The following DGKI variants were observed in gnomAD, a reference collection of about 807,000 sequenced individuals.
DGKI encodes the protein diacylglycerol kinase iota.
A neutral mutation model predicts 147.5 loss-of-function variants in DGKI; 55 were observed. The observed-to-expected ratio is 0.37, with a 90% confidence interval of 0.30 to 0.47. DGKI has a LOEUF of 0.47. Among genes scored for constraint, DGKI ranks in the 20% least tolerant of loss-of-function variants. The pLI is 1.00. For missense variants in DGKI, 1,007 were observed against 1,323.8 expected (o/e 0.76, Z 3.71); for synonymous variants, 469 against 477.1 (o/e 0.98, Z 0.22).
At chr7:137,487,570 G>C (rs530936792) in intron 22 of DGKI, 40 bp downstream of exon 22, 4 of 1,540,194 alleles carry the variant, frequency 2.6e-6, no homozygotes, top group Non-Finnish European at 3.6e-6. Context: ...TACAAAAATG[G>C]AAAGTTGAGG....
At chr7:137,765,695 G>A (rs559638274) in intron 1 of DGKI, among the ~76,000 whole-genome samples, 1 of 152,182 alleles carries the variant, frequency 6.6e-6, no homozygotes, top group Non-Finnish European at 1.5e-5. Flanking sequence ...TCATAGAGAT[G>A]ATGCAGCTGA....
At chr7:137,412,596 T>C (rs1014937775) in intron 28 of DGKI, among the ~76,000 whole-genome samples, 2 of 152,218 alleles carry the variant, frequency 1.3e-5, no homozygotes, top group Non-Finnish European at 2.9e-5. Context: ...CATGAAGTCC[T>C]ATGAATGTTC....
chr7:137,601,537 C>T (rs1338605298), intron 10 of DGKI, among the ~76,000 whole-genome samples: 1 of 152,198 alleles, frequency 6.6e-6, no homozygotes, highest in Non-Finnish European at 1.5e-5. Context: ...TGAGGTCAAA[C>T]TAACTTCAGT....
At chr7:137,570,031 C>T (rs1314748998) in intron 19 of DGKI, among the ~76,000 whole-genome samples, 1 of 152,018 alleles carries the variant, frequency 6.6e-6, no homozygotes, top group Admixed American at 6.5e-5. Context: ...TTAAACTTCA[C>T]TAATTTGAGG....
chr7:137,638,540 GTATATATATGTGTGTA>G (rs1821459781), intron 6 of DGKI, among the ~76,000 whole-genome samples: 1 of 94,896 alleles, frequency 1.1e-5, no homozygotes, highest in Non-Finnish European at 1.9e-5. Context: ...ACACATATAT[GTATATATATGTGTGTA>G]TATATATACA....
chr7:137,740,236 A>G (rs1733063577), intron 1 of DGKI, among the ~76,000 whole-genome samples: 2 of 152,212 alleles, frequency 1.3e-5, no homozygotes, highest in African/African-American at 4.8e-5. Flanking sequence ...ATCTTGGTTT[A>G]TCAATTCTGG....
At chr7:137,439,076 C>A (rs888407153) in intron 28 of DGKI, among the ~76,000 whole-genome samples, 4 of 152,118 alleles carry the variant, frequency 2.6e-5, no homozygotes, top group South Asian at 2.1e-4. Flanking sequence ...ATGAAGCTCC[C>A]AAATTCCTAC....
chr7:137,846,664 C>A lies in DGKI; in HGVS notation c.199G>T (p.Gly67Cys). 9.3e-7 allele frequency: 1 copy of A among 1,073,006 alleles called. No homozygotes were observed. Among genetic ancestry groups the A allele is most frequent in the Non-Finnish European group, 1.1e-6 (1 of 884,686 alleles). The allele number at this position is 1,073,006 out of a possible 1,614,324, so 66.5% of individuals were successfully genotyped here. A position where few individuals can be genotyped will look rare whatever the true frequency, so the allele number is the denominator to read the frequency against. The change falls in exon 1 of 33, where the codon GGC (glycine) becomes TGC (cysteine). Residue 67 changes from glycine to cysteine, a missense_variant. Physicochemically the swap from Gly to Cys is radical, Grantham distance 159 (BLOSUM62 -3). Around this residue, in one of 5 missense-constraint regions of DGKI, gnomAD observed 137 missense variants for 114.4 expected, o/e 1.20. Transcript: ENST00000614521. This position sits in a 1 kb window ranked among gnomAD's most constrained non-coding sequence, Gnocchi z 4.0. ...CCGCTTCCGCTGCTGCTGCTGCCGC[C>A]CGTCGCCCCTTTCTCCTCTCCCGCC... ...SSAGEEKGAT[G>C]GSSSSGSGAG...
intron 3 of DGKI, among the ~76,000 whole-genome samples, chr7:137,659,268 T>A (rs6948268): frequency 0.15 from 22,353 of 152,120 alleles, 4,881 homozygotes; most frequent in African/African-American, 0.48. Context: ...TGAATAAAGG[T>A]CCCAGGTCTT....
chr7:137,677,871 A>C, intron 3 of DGKI, among the ~76,000 whole-genome samples: 1 of 152,184 alleles, frequency 6.6e-6, no homozygotes, highest in Non-Finnish European at 1.5e-5. Context: ...CACAAACTTT[A>C]AGTTCAATTT....
At chr7:137,608,527 T>C (rs1820258812) in intron 10 of DGKI, among the ~76,000 whole-genome samples, 1 of 152,208 alleles carries the variant, frequency 6.6e-6, no homozygotes, top group East Asian at 1.9e-4. Context: ...GGGATTATCA[T>C]GGCTCATGAA....
At chr7:137,469,406 T>A in intron 24 of DGKI, 144 bp downstream of exon 24, 1 of 735,978 alleles carries the variant, frequency 1.4e-6, no homozygotes, top group South Asian at 1.8e-5. Flanking sequence ...CCCACATTGT[T>A]CCGCATGCCA....
intron 27 of DGKI, among the ~76,000 whole-genome samples, chr7:137,457,931 A>T (rs939030640): frequency 3.3e-5 from 5 of 152,300 alleles, no homozygotes; most frequent in Non-Finnish European, 5.9e-5. Context: ...ATCTAAAAAA[A>T]AAAGCAGCAA....
At chr7:137,728,359 G>A (rs1476590112) in intron 1 of DGKI, among the ~76,000 whole-genome samples, 1 of 152,118 alleles carries the variant, frequency 6.6e-6, no homozygotes, top group Non-Finnish European at 1.5e-5. Flanking sequence ...TTTTCTACCA[G>A]AGCTGAGACT....
At chr7:137,728,876 A>T (rs1794789945) in intron 1 of DGKI, among the ~76,000 whole-genome samples, 1 of 152,130 alleles carries the variant, frequency 6.6e-6, no homozygotes, top group Non-Finnish European at 1.5e-5. Flanking sequence ...ACTATGATTG[A>T]TTTTGAGCTC....
rs1228482196 is a variant in DGKI at position 137,678,613 on chromosome 7, TG to T, written c.549del (p.Asn184ThrfsTer42). The T allele has an allele frequency of 6.2e-7, 1 of 1,614,146 alleles. No individual in the cohort carries two copies. The highest frequency in any genetic ancestry group is 8.5e-7 in the Non-Finnish European group (1 of 1,180,014). ...AVNGEHLWLE[T>X]NVSGDLCYLG... ...AGGTAGCAGAGGTCTCCCGAGACGT[TG>T]GTCTCCAGCCACAGGTGTTCTCCAT... is the stretch of plus-strand genomic sequence containing the variant. On this transcript the variant is annotated frameshift_variant, in exon 3 of 33. Coordinates refer to ENST00000614521, the MANE Select transcript of DGKI (RefSeq NM_001321708.2). LOFTEE classifies it high-confidence loss of function.
At chr7:137,437,006 A>G (rs1813310819) in intron 28 of DGKI, among the ~76,000 whole-genome samples, 1 of 152,280 alleles carries the variant, frequency 6.6e-6, no homozygotes. Context: ...TCCACAAAAC[A>G]AGTACTGTCA....
intron 6 of DGKI, among the ~76,000 whole-genome samples, chr7:137,638,531 C>CATATAT (rs1456992268): frequency 8.7e-6 from 1 of 114,416 alleles, no homozygotes; most frequent in Non-Finnish European, 1.7e-5. Flanking sequence ...TATATACACA[C>CATATAT]ACATATATGT....
intron 12 of DGKI, among the ~76,000 whole-genome samples, chr7:137,588,758 G>A (rs1334962785): frequency 6.6e-6 from 1 of 152,132 alleles, no homozygotes; most frequent in African/African-American, 2.4e-5. Context: ...TTACAGGCGT[G>A]AGCCACCGTG....
Sources: allele counts gnomAD v4.1 joint callset (sites outside exome capture counted in the v4.1 genomes callset), GRCh38; gene constraint gnomAD v4.1.1; regional missense constraint gnomAD v4.1.1; non-coding constraint Gnocchi (gnomAD v3.1); transcripts MANE v1.5; gene names NCBI Gene and HGNC (gene_info 2026-07-23, HGNC 2026-07-21).